RANBP10: variants seen among roughly 807,000 people sequenced by gnomAD.
RANBP10 encodes ran-binding protein 10.
Under a neutral mutation model 72.8 loss-of-function variants are expected in RANBP10, and 24 were observed. The ratio of observed to expected loss-of-function variants is 0.33; its 90% CI spans 0.24 to 0.46. RANBP10 has a LOEUF of 0.46. Among genes scored for constraint, RANBP10 ranks in the 20% least tolerant of loss-of-function variants. The probability of loss-of-function intolerance (pLI) is 1.00; values close to 1 mark genes in which losing one functional copy is unlikely to be tolerated. For missense variants in RANBP10, 679 were observed against 817.5 expected (o/e 0.83, Z 2.07); for synonymous variants, 310 against 322.3 (o/e 0.96, Z 0.41).
At chr16:67,744,233 C>A in intron 4 of RANBP10, 55 bp downstream of exon 4, 1 of 1,577,114 alleles carries the variant, frequency 6.3e-7, no homozygotes, top group Non-Finnish European at 8.6e-7. Flanking sequence ...CTGAGCCTCT[C>A]ACCAACCAAA....
chr16:67,754,026 C>T (rs1258906746), intron 3 of RANBP10, among the ~76,000 whole-genome samples: 1 of 151,178 alleles, frequency 6.6e-6, no homozygotes, highest in African/African-American at 2.4e-5. Context: ...CCCAGTTACT[C>T]AGGAGGCTGA....
intron 4 of RANBP10, chr16:67,738,634 A>C (rs2053905461): frequency 6.6e-6 from 1 of 151,782 alleles, no homozygotes; most frequent in Non-Finnish European, 1.5e-5. Context: ...TTCTATTTTT[A>C]GTAGAGACGG....
At chr16:67,785,615 C>A (rs1597906533) in intron 2 of RANBP10, among the ~76,000 whole-genome samples, 1 of 151,664 alleles carries the variant, frequency 6.6e-6, no homozygotes, top group East Asian at 1.9e-4. Flanking sequence ...GTAATTCCAG[C>A]TACTCAGGAG....
intron 4 of RANBP10, 52 bp from the exon 5 acceptor site, chr16:67,738,087 C>T (rs1240840810): frequency 6.5e-7 from 1 of 1,530,206 alleles, no homozygotes; most frequent in Non-Finnish European, 8.8e-7. Context: ...GCTACTCTGC[C>T]TCTGCACCCC....
chr16:67,758,227 C>A (rs908358675), intron 3 of RANBP10, among the ~76,000 whole-genome samples: 1 of 152,212 alleles, frequency 6.6e-6, no homozygotes, highest in Non-Finnish European at 1.5e-5. Flanking sequence ...GGCAGCACTA[C>A]CTGCCAACAC....
Position 67,725,949 on chromosome 16 carries a change from CTTTT to C in RANBP10, c.*475_*478del, listed in dbSNP as rs569929073. 4.7e-5 allele frequency: 7 copies of C among 148,606 alleles called. No individual in the cohort carries two copies. Among genetic ancestry groups the C allele is most frequent in the South Asian group, 2.1e-4 (1 of 4,732 alleles). The allele number at this position is 148,606 out of a possible 1,614,324, so 9.2% of individuals were successfully genotyped here. ...CCACTAATGCTACGATAAATACTGT[CTTTT>C]TTTTTAATATATATATTTTTATATA... On this transcript the variant is annotated 3_prime_UTR_variant, in exon 14 of 14. Transcript: ENST00000317506.
intron 2 of RANBP10, among the ~76,000 whole-genome samples, chr16:67,782,120 C>T (rs888371442): frequency 2.6e-5 from 4 of 152,284 alleles, no homozygotes; most frequent in South Asian, 4.1e-4. Flanking sequence ...TTACTTTTTA[C>T]AATTTTTAAA....
chr16:67,734,055 C>T (rs1420455650), intron 6 of RANBP10, among the ~76,000 whole-genome samples: 1 of 152,198 alleles, frequency 6.6e-6, no homozygotes, highest in Non-Finnish European at 1.5e-5. Context: ...CTAGCCCCTG[C>T]CTCAGCCCAT....
chr16:67,731,182 C>A, intron 7 of RANBP10: 1 of 350,648 alleles, frequency 2.9e-6, no homozygotes, highest in Non-Finnish European at 5.3e-6. Context: ...GGGAAGGAAA[C>A]AAGCAGGGAG....
rs548142999 is a variant in RANBP10 at position 67,743,096 on chromosome 16, A to G, written c.568+1192T>C. Among the ~76,000 whole-genome samples the G allele has an allele frequency of 2.6e-5, 4 of 152,328 alleles. No homozygotes were observed. The South Asian group carries it at 8.3e-4, about 32-fold the overall frequency. The stretch of plus-strand genomic sequence containing the variant: ...CAGGAATGCTGGCTCCTAGGCATGC[A>G]GCCCCAGCCATCAGCACTCCAATTC... On this transcript the variant is annotated intron_variant, in intron 4 of 13. Transcript: ENST00000317506.
rs750895781 is a variant in RANBP10 at position 67,735,053 on chromosome 16, G to A, written c.592-11C>T. ...GGGGTAGAGGTTGGCCTGAGGAGGA[G>A]AATGAAATGTCAGTCAGGCCCTGAG... On this transcript the variant is annotated splice_polypyrimidine_tract_variant and intron_variant, in intron 5 of 13. Transcript: ENST00000317506. 5.1e-6 allele frequency: 8 copies of A among 1,579,094 alleles called. No individual in the cohort carries two copies. In the South Asian group the frequency reaches 9.2e-5, roughly 18 times the overall value.
rs1477448110 is a variant in RANBP10, at chr16:67,730,871, C to T, written c.889+601G>A. ...TCTCCTTCTAGCTCCTCACTGGGCT[C>T]CTTTTCCTCTTTTCCAACACCCCTC... On this transcript the variant is annotated intron_variant, in intron 7 of 13. Coordinates refer to ENST00000317506, the MANE Select transcript of RANBP10 (RefSeq NM_020850.3). This position sits in a 1 kb window ranked among gnomAD's most constrained non-coding sequence, Gnocchi z 4.3. Among the ~76,000 whole-genome samples, 1 of 152,158 alleles carries T rather than the reference C, an allele frequency of 6.6e-6. No individual in the cohort carries two copies.
chr16:67,738,326 C>T (rs1175855759), intron 4 of RANBP10, among the ~76,000 whole-genome samples: 1 of 151,526 alleles, frequency 6.6e-6, no homozygotes, highest in African/African-American at 2.4e-5. Flanking sequence ...TTAGTAGAGA[C>T]AGGGTTTCAC....
In RANBP10 at chr16:67,773,315, G is replaced by A. The variant is rs1034689324; in HGVS notation, c.348-1229C>T. Among the ~76,000 whole-genome samples, 9 of 152,216 alleles carry A rather than the reference G, an allele frequency of 5.9e-5. No homozygotes were observed. The South Asian group carries it at 1.9e-3, about 32-fold the overall frequency. Reference sequence around the variant, plus strand: ...CTCCTAGTCAACATCCACTATGACTGTAAGCTTCTCCAGGCCTTTGCCGGC... The same window carrying A: ...CTCCTAGTCAACATCCACTATGACTATAAGCTTCTCCAGGCCTTTGCCGGC... On this transcript the variant is annotated intron_variant, in intron 2 of 13. Coordinates refer to ENST00000317506, the MANE Select transcript of RANBP10 (RefSeq NM_020850.3).
rs765808043 is a variant in RANBP10, at chr16:67,729,533, A to G, written c.1148-49T>C. On this transcript the variant is annotated intron_variant, in intron 9 of 13. Coordinates refer to ENST00000317506, the MANE Select transcript of RANBP10 (RefSeq NM_020850.3). The surrounding 1 kb of genome is among the most constrained non-coding windows in gnomAD (Gnocchi z 7.1). Reference sequence around the variant, plus strand: ...AAGAGGAGGGGCAGCTTCCCATGAAATGAAGCCCCAAGAACAACCACAGTG... The same window carrying G: ...AAGAGGAGGGGCAGCTTCCCATGAAGTGAAGCCCCAAGAACAACCACAGTG... 4.4e-6 allele frequency: 7 copies of G among 1,583,372 alleles called. No individual in the cohort carries two copies. The African/African-American group carries it at 8.1e-5, about 18-fold the overall frequency.
At chr16:67,780,384 G>A (rs570841033) in intron 2 of RANBP10, among the ~76,000 whole-genome samples, 1 of 152,274 alleles carries the variant, frequency 6.6e-6, no homozygotes, top group African/African-American at 2.4e-5. Flanking sequence ...ATCTGGAAAT[G>A]GGCTGTGCAT....
chr16:67,776,644 G>C (rs1441346247), intron 2 of RANBP10, among the ~76,000 whole-genome samples: 11 of 142,680 alleles, frequency 7.7e-5, no homozygotes, highest in Non-Finnish European at 1.7e-4. Context: ...GTGGTGGTGG[G>C]CACCTGTAAT....
intron 3 of RANBP10, among the ~76,000 whole-genome samples, chr16:67,748,079 C>G (rs1240435867): frequency 1.3e-5 from 2 of 151,632 alleles, no homozygotes; most frequent in African/African-American, 4.8e-5. Context: ...CCCACCTCAG[C>G]CTCCCAAAGG....
In RANBP10 at chr16:67,786,858, TG is replaced by T. The variant is rs2054925963; in HGVS notation, c.348-14773del. On this transcript the variant is annotated intron_variant, in intron 2 of 13. Coordinates refer to ENST00000317506, the MANE Select transcript of RANBP10 (RefSeq NM_020850.3). ...ATGAGAATCACTTGAACCAGGGAGGTGGTGGTTGAAGTGAGCCCAGATCAAG... is the reference window on the plus strand; with the variant it reads ...ATGAGAATCACTTGAACCAGGGAGGTGTGGTTGAAGTGAGCCCAGATCAAG... Among the ~76,000 whole-genome samples, 5 of 140,088 alleles carry T rather than the reference TG, an allele frequency of 3.6e-5. No individual in the cohort carries two copies. In the South Asian group the frequency reaches 1.1e-3, roughly 32 times the overall value. 91.9% of individuals were successfully genotyped at this position (140,088 alleles called of 152,430 possible).
Sources: gnomAD v4.1 joint callset for allele counts (sites outside exome capture counted in the v4.1 genomes callset) on GRCh38, gnomAD v4.1.1 for gene constraint, Gnocchi (gnomAD v3.1) non-coding constraint, MANE v1.5 for transcripts, NCBI Gene and HGNC (gene_info 2026-07-23, HGNC 2026-07-21) for gene names.